The following BEST4 variants were observed in gnomAD, a reference collection of about 807,000 sequenced individuals.
BEST4 encodes the protein bestrophin 4, also known as bestrophin-4.
Under a neutral mutation model 47.1 loss-of-function variants are expected in BEST4, and 36 were observed. The observed-to-expected ratio is 0.76, with a 90% CI of 0.59 to 1.01. BEST4 has a LOEUF of 1.01. BEST4 is among the 50% of genes least tolerant of loss of function. BEST4 has a pLI of 0.00. For missense variants in BEST4, 550 were observed against 648.6 expected (o/e 0.85, Z 1.65); for synonymous variants, 250 against 277.8 (o/e 0.90, Z 1.00).
rs2148846536 is a variant in BEST4, at chr1:44,784,506, A to C, written c.1149-23T>G. The C allele has an allele frequency of 6.8e-7, 1 of 1,475,400 alleles. No homozygotes were observed. The highest frequency in any genetic ancestry group is 2.5e-5 in the East Asian group (1 of 39,914). 91.4% of individuals were successfully genotyped at this position (1,475,400 alleles called of 1,614,324 possible). A position where few individuals can be genotyped will look rare whatever the true frequency, so the allele number is the denominator to read the frequency against. ...ATGCTGCGGGCGGGAGGGCGGGCTG[A>C]GCCGGGGCACAGGGCGGGAGCGGGG... On this transcript the variant is annotated intron_variant, in intron 8 of 8. Coordinates refer to ENST00000372207, the MANE Select transcript of BEST4 (RefSeq NM_153274.3). This position sits in a 1 kb window ranked among gnomAD's most constrained non-coding sequence, Gnocchi z 6.2.
intron 2 of BEST4, 79 bp downstream of exon 2, chr1:44,787,293 C>A: frequency 1.4e-6 from 2 of 1,402,454 alleles, no homozygotes; most frequent in South Asian, 1.2e-5. Context: ...GTAATTCTGA[C>A]CCTCGGAGCT....
At position 44,786,782 on chromosome 1, in the gene BEST4, C is replaced by T; in HGVS notation, c.248-86G>A. ...CGCCTCACCTCCCCCAGCAAAGGGCCTGGTCCAGGCCAGTTGAATCGTGGC... is the reference window on the plus strand; with the variant it reads ...CGCCTCACCTCCCCCAGCAAAGGGCTTGGTCCAGGCCAGTTGAATCGTGGC... On this transcript the variant is annotated intron_variant, in intron 2 of 8. Coordinates refer to ENST00000372207, the MANE Select transcript of BEST4 (RefSeq NM_153274.3). This position sits in a 1 kb window ranked among gnomAD's most constrained non-coding sequence, Gnocchi z 4.9. The T allele has an allele frequency of 9.7e-7, 1 of 1,029,634 alleles. No homozygotes were observed. The allele number at this position is 1,029,634 out of a possible 1,614,324, so 63.8% of individuals were successfully genotyped here.
chr1:44,786,780 G>T lies in BEST4; in HGVS notation c.248-84C>A. ...AGCGCCTCACCTCCCCCAGCAAAGG[G>T]CCTGGTCCAGGCCAGTTGAATCGTG... On this transcript the variant is annotated intron_variant, in intron 2 of 8. Coordinates refer to ENST00000372207, the MANE Select transcript of BEST4 (RefSeq NM_153274.3). The surrounding 1 kb of genome is among the most constrained non-coding windows in gnomAD (Gnocchi z 4.9). 1 of 1,061,212 alleles carries T rather than the reference G, an allele frequency of 9.4e-7. No individual in the cohort carries two copies. Among genetic ancestry groups the T allele is most frequent in the Non-Finnish European group, 1.4e-6 (1 of 728,418 alleles). 65.7% of individuals were successfully genotyped at this position (1,061,212 alleles called of 1,614,324 possible).
chr1:44,790,991 C>T (rs182892617), upstream of BEST4, among the ~76,000 whole-genome samples: 2 of 152,148 alleles, frequency 1.3e-5, no homozygotes, highest in Admixed American at 1.3e-4. Context: ...TTCTTTCTTT[C>T]TTCTCATCCT....
At chr1:44,789,285 A>G (rs1393581126), upstream of BEST4, among the ~76,000 whole-genome samples, 1 of 151,114 alleles carries the variant, frequency 6.6e-6, no homozygotes, top group Non-Finnish European at 1.5e-5. Flanking sequence ...AAAGAAAAAG[A>G]AAAAGAAATA....
chr1:44,790,052 C>A (rs1651370714), upstream of BEST4, among the ~76,000 whole-genome samples: 1 of 152,242 alleles, frequency 6.6e-6, no homozygotes, highest in Admixed American at 6.5e-5. Context: ...CGCCTAACCT[C>A]ATGGGGCAAT....
In BEST4 at chr1:44,786,619, C is replaced by G. The variant is rs751925750; in HGVS notation, c.325G>C (p.Val109Leu). Residue 109 changes from valine (V) to leucine (L), a missense_variant, in exon 3 of 9, where the codon GTC becomes CTC. By Grantham distance (32) the Val-to-Leu change is conservative. Transcript: ENST00000372207. The surrounding 1 kb of genome is among the most constrained non-coding windows in gnomAD (Gnocchi z 4.9). Reference sequence around the variant, plus strand: ...ACGCCGTGCACGCTAGCCGAGATGACGCACATCAGCTGGTCTGGCAGCGGG... The same window carrying G: ...ACGCCGTGCACGCTAGCCGAGATGAGGCACATCAGCTGGTCTGGCAGCGGG... Reference protein sequence around the residue: ...SIPLPDQLMCVISASVHGVDQ... With the variant: ...SIPLPDQLMCLISASVHGVDQ... The G allele has an allele frequency of 1.9e-6, 3 of 1,551,510 alleles. No individual in the cohort carries two copies. In the South Asian group the frequency reaches 3.6e-5, roughly 18 times the overall value.
Position 44,786,804 on chromosome 1 carries a change from T to C in BEST4, c.248-108A>G. ...GGCCTGGTCCAGGCCAGTTGAATCG[T>C]GGCAGGGGGAAGGAAACATTCAGCT... On this transcript the variant is annotated intron_variant, in intron 2 of 8. Transcript: ENST00000372207. This position sits in a 1 kb window ranked among gnomAD's most constrained non-coding sequence, Gnocchi z 4.9. 2.4e-6 allele frequency: 2 copies of C among 831,784 alleles called. No homozygotes were observed. The highest frequency in any genetic ancestry group is 3.7e-6 in the Non-Finnish European group (2 of 539,956). The allele number at this position is 831,784 out of a possible 1,614,324, so 51.5% of individuals were successfully genotyped here.
rs1242920204 is a variant in BEST4, at chr1:44,786,837, C to T, written c.248-141G>A. On this transcript the variant is annotated intron_variant, in intron 2 of 8. Transcript: ENST00000372207. The surrounding 1 kb of genome is among the most constrained non-coding windows in gnomAD (Gnocchi z 4.9). ...GGAAGGAAACATTCAGCTCCAGTGCCCTGCTGTGCGAGGCCAGGAGGAGGG... is the reference window on the plus strand; with the variant it reads ...GGAAGGAAACATTCAGCTCCAGTGCTCTGCTGTGCGAGGCCAGGAGGAGGG... 1 of 664,378 alleles carries T rather than the reference C, an allele frequency of 1.5e-6. No individual in the cohort carries two copies. Among genetic ancestry groups the T allele is most frequent in the Non-Finnish European group, 2.5e-6 (1 of 395,174 alleles). 41.2% of individuals were successfully genotyped at this position (664,378 alleles called of 1,614,324 possible).
Position 44,787,362 on chromosome 1 carries a change from G to A in BEST4, c.247+10C>T. The A allele has an allele frequency of 6.2e-7, 1 of 1,613,782 alleles. No homozygotes were observed. Among genetic ancestry groups the A allele is most frequent in the Middle Eastern group, 1.7e-4 (1 of 6,060 alleles). On this transcript the variant is annotated intron_variant, in intron 2 of 8. Transcript: ENST00000372207. Reference sequence around the variant, plus strand: ...AGGGGGACACAGGGAAAACTAGAAGGGAGCCTTACCCAATACAAAGGACAA... The same window carrying A: ...AGGGGGACACAGGGAAAACTAGAAGAGAGCCTTACCCAATACAAAGGACAA...
rs1651130087 is a variant in BEST4 at position 44,784,279 on chromosome 1, G to A, written c.1353C>T (p.Gly451=). The A allele has an allele frequency of 1.4e-6, 2 of 1,427,316 alleles. No individual in the cohort carries two copies. Among genetic ancestry groups the A allele is most frequent in the Non-Finnish European group, 9.1e-7 (1 of 1,100,996 alleles). 88.4% of individuals were successfully genotyped at this position (1,427,316 alleles called of 1,614,324 possible). ...CGATGCGGGCTGCGGCCTCGGGGTC[G>A]CCGCCCTCCTCCGCCCGGAAGCGCA... ...HLLRFRAEEG[G]DPEAAARIEE... The change falls in exon 9 of 9, where the codon GGC becomes GGT. Residue 451 remains glycine (G), a synonymous_variant. Coordinates refer to ENST00000372207, the MANE Select transcript of BEST4 (RefSeq NM_153274.3). This position sits in a 1 kb window ranked among gnomAD's most constrained non-coding sequence, Gnocchi z 6.2.
In BEST4 at chr1:44,786,784, G is replaced by A. The variant is rs1045131755; in HGVS notation, c.248-88C>T. Reference sequence around the variant, plus strand: ...CCTCACCTCCCCCAGCAAAGGGCCTGGTCCAGGCCAGTTGAATCGTGGCAG... The same window carrying A: ...CCTCACCTCCCCCAGCAAAGGGCCTAGTCCAGGCCAGTTGAATCGTGGCAG... On this transcript the variant is annotated intron_variant, in intron 2 of 8. Coordinates refer to ENST00000372207, the MANE Select transcript of BEST4 (RefSeq NM_153274.3). This position sits in a 1 kb window ranked among gnomAD's most constrained non-coding sequence, Gnocchi z 4.9. 12 of 1,003,386 alleles carry A rather than the reference G, an allele frequency of 1.2e-5. No homozygotes were observed. Among genetic ancestry groups the A allele is most frequent in the Non-Finnish European group, 1.8e-5 (12 of 684,080 alleles). 62.2% of individuals were successfully genotyped at this position (1,003,386 alleles called of 1,614,324 possible). A position where few individuals can be genotyped will look rare whatever the true frequency, so the allele number is the denominator to read the frequency against.
intron 2 of BEST4, 74 bp downstream of exon 2, chr1:44,787,298 G>A (rs769538041): frequency 3.7e-5 from 54 of 1,452,976 alleles, no homozygotes; most frequent in Non-Finnish European, 4.4e-5. Context: ...TCTGACCCTC[G>A]GAGCTGTCAA....
At chr1:44,792,421 C>T (rs1651435701), upstream of BEST4, among the ~76,000 whole-genome samples, 1 of 121,056 alleles carries the variant, frequency 8.3e-6, no homozygotes, top group Admixed American at 8.4e-5. Context: ...AGCAAGACTC[C>T]ATCTCAAAAA....
chr1:44,786,200 C>G lies in BEST4; in HGVS notation c.510G>C (p.Lys170Asn), dbSNP rs1016270608. Reference protein sequence around the residue: ...AGFMSQEERKKFESLKSDFNK... With the variant: ...AGFMSQEERKNFESLKSDFNK... ...TGAAGTCGGATTTCAGGCTCTCAAA[C>G]TTTTTCCTCTCTTCCTGGGACATGA... The change falls in exon 4 of 9, where the codon AAG becomes AAC. Residue 170 changes from lysine to asparagine, a missense_variant. Transcript: ENST00000372207. This position sits in a 1 kb window ranked among gnomAD's most constrained non-coding sequence, Gnocchi z 4.9. 7.4e-6 allele frequency: 12 copies of G among 1,613,894 alleles called. No homozygotes were observed. The highest frequency in any genetic ancestry group is 1.0e-5 in the Non-Finnish European group (12 of 1,179,896).
upstream of BEST4, among the ~76,000 whole-genome samples, chr1:44,792,412 G>A (rs950176296): frequency 1.5e-5 from 2 of 136,704 alleles, no homozygotes; most frequent in Non-Finnish European, 3.0e-5. Flanking sequence ...GGGCAACAGA[G>A]CAAGACTCCA....
upstream of BEST4, among the ~76,000 whole-genome samples, chr1:44,789,242 C>CA (rs778437528): frequency 0.28 from 17,357 of 61,344 alleles, 1,469 homozygotes; most frequent in Non-Finnish European, 0.34. Context: ...CCTGGGTAAT[C>CA]AAAAAAAAAA....
chr1:44,790,783 G>A (rs559300129), upstream of BEST4, among the ~76,000 whole-genome samples: 1 of 151,604 alleles, frequency 6.6e-6, no homozygotes, highest in East Asian at 1.9e-4. Flanking sequence ...GTGGTGGTGT[G>A]TGCCTATAGT....
chr1:44,787,482 G>A lies in BEST4; in HGVS notation c.153-16C>T, dbSNP rs369584291. 2.5e-6 allele frequency: 4 copies of A among 1,614,192 alleles called. No homozygotes were observed. In the East Asian group the frequency reaches 8.9e-5, roughly 36 times the overall value. On this transcript the variant is annotated splice_polypyrimidine_tract_variant and intron_variant, in intron 1 of 8. Transcript: ENST00000372207. ...CAGCAGCAGCCTGGGGAAGGCAGGT[G>A]TAGGCTTGGGTTAGAGGGAGGTGGG... is the stretch of plus-strand genomic sequence containing the variant.
Sources: allele counts gnomAD v4.1 joint callset (sites outside exome capture counted in the v4.1 genomes callset), GRCh38; gene constraint gnomAD v4.1.1; non-coding constraint Gnocchi (gnomAD v3.1); transcripts MANE v1.5; gene names NCBI Gene and HGNC (gene_info 2026-07-23, HGNC 2026-07-21).